NDST3: variants seen among roughly 807,000 people sequenced by gnomAD.
NDST3 encodes the protein N-deacetylase and N-sulfotransferase 3, also known as bifunctional heparan sulfate N-deacetylase/N-sulfotransferase 3.
In NDST3, 58 loss-of-function variants were observed where a neutral mutation model predicts 96.1. The observed-to-expected ratio is 0.60, with a 90% CI of 0.49 to 0.75. The LOEUF is 0.75. Among genes scored for constraint, NDST3 ranks in the 30% least tolerant of loss-of-function variants. NDST3 has a pLI of 0.00. For synonymous variants in NDST3, 333 were observed against 359.7 expected, an observed-to-expected ratio of 0.93 and a Z score of 0.84; for missense variants, 788 against 1,034.2, an observed-to-expected ratio of 0.76 and a Z score of 3.27.
chr4:118,084,145 C>T lies in NDST3; in HGVS notation c.982-20873C>T, dbSNP rs115432280. On this transcript the variant is annotated intron_variant, in intron 2 of 13. Transcript: ENST00000296499. ...ACAAGTCTAAAGATCTGATGTACCA[C>T]ATGAGAACTACAGCTAATAAAATTG... is the stretch of plus-strand genomic sequence containing the variant. Among the ~76,000 whole-genome samples, 232 of 152,140 alleles carry T rather than the reference C, an allele frequency of 1.5e-3. 1 individual carries two copies. Among genetic ancestry groups the T allele is most frequent in the African/African-American group, 5.2e-3 (217 of 41,512 alleles).
At position 118,211,830 on chromosome 4, in the gene NDST3, T is replaced by C. The variant is rs563494012; in HGVS notation, c.1540-12661T>C. ...TAGGCTCTCATAAACTGCCATGTAC[T>C]ATAATACACTGCAAGTAAAGTGAAC... On this transcript the variant is annotated intron_variant, in intron 6 of 13. Transcript: ENST00000296499. 2.0e-5 allele frequency among the ~76,000 whole-genome samples: 3 copies of C among 152,328 alleles called. No individual in the cohort carries two copies. The South Asian group carries it at 6.2e-4, about 32-fold the overall frequency.
At chr4:118,163,264 G>T (rs1735303876) in intron 6 of NDST3, among the ~76,000 whole-genome samples, 2 of 152,116 alleles carry the variant, frequency 1.3e-5, no homozygotes, top group Admixed American at 6.5e-5. Flanking sequence ...TATACCCAAA[G>T]GACTATAAAT....
In NDST3 at chr4:118,069,367, AT is replaced by A. The variant is rs983909512; in HGVS notation, c.981+14483del. Among the ~76,000 whole-genome samples, 18 of 152,062 alleles carry A rather than the reference AT, an allele frequency of 1.2e-4. 1 individual carries two copies. Reference sequence around the variant, plus strand: ...GTGGGATAGAGTACCCCATTAGGTGATTTTTTTAAATGTTAGCAAGAGAAGT... The same window carrying A: ...GTGGGATAGAGTACCCCATTAGGTGATTTTTTAAATGTTAGCAAGAGAAGT... On this transcript the variant is annotated intron_variant, in intron 2 of 13. Transcript: ENST00000296499.
chr4:118,080,165 C>T (rs965015875), intron 2 of NDST3, among the ~76,000 whole-genome samples: 1 of 151,712 alleles, frequency 6.6e-6, no homozygotes, highest in Admixed American at 6.6e-5. Context: ...GTGTAAAGTA[C>T]TTAAAACAGT....
chr4:118,142,961 C>G (rs942455763), intron 5 of NDST3, among the ~76,000 whole-genome samples: 1 of 152,134 alleles, frequency 6.6e-6, no homozygotes, highest in Non-Finnish European at 1.5e-5. Flanking sequence ...CTCTTTCTTA[C>G]AGTAGGAACT....
chr4:118,151,763 G>A (rs2125916309), intron 6 of NDST3, among the ~76,000 whole-genome samples: 1 of 152,256 alleles, frequency 6.6e-6, no homozygotes, highest in African/African-American at 2.4e-5. Flanking sequence ...TTTCCTAAGT[G>A]ACCAGAGAAC....
chr4:118,115,610 T>C (rs1731021883), intron 4 of NDST3, among the ~76,000 whole-genome samples: 2 of 152,124 alleles, frequency 1.3e-5, no homozygotes, highest in South Asian at 4.1e-4. Context: ...AGGTACACCA[T>C]GTAATACTGA....
chr4:118,231,133 C>T (rs543059560), intron 8 of NDST3, among the ~76,000 whole-genome samples: 104 of 151,832 alleles, frequency 6.8e-4, no homozygotes, highest in Admixed American at 2.5e-3. Flanking sequence ...GTCAGGAGTT[C>T]GAGACCAGCC....
chr4:118,055,091 C>T (rs997916572), intron 2 of NDST3, 200 bp downstream of exon 2: 4 of 679,688 alleles, frequency 5.9e-6, no homozygotes, highest in Non-Finnish European at 9.8e-6. Context: ...AAAGATTTTA[C>T]TAAAAGATTG....
chr4:118,148,292 TG>T (rs1734104899), intron 6 of NDST3, among the ~76,000 whole-genome samples: 1 of 152,134 alleles, frequency 6.6e-6, no homozygotes, highest in Admixed American at 6.5e-5. Context: ...AGCGAGACTC[TG>T]TCTCAAAAAA....
intron 6 of NDST3, among the ~76,000 whole-genome samples, chr4:118,151,192 A>G (rs1415240560): frequency 6.6e-6 from 1 of 152,144 alleles, no homozygotes; most frequent in Non-Finnish European, 1.5e-5. Context: ...AACAATGAGA[A>G]CACATGGACA....
chr4:118,161,519 C>T (rs908100129), intron 6 of NDST3, among the ~76,000 whole-genome samples: 5 of 152,184 alleles, frequency 3.3e-5, no homozygotes, highest in South Asian at 2.1e-4. Context: ...CTGTGGTGGG[C>T]TCCACCCAGT....
chr4:118,247,358 C>T (rs1741383546), intron 12 of NDST3, among the ~76,000 whole-genome samples: 2 of 152,228 alleles, frequency 1.3e-5, no homozygotes, highest in South Asian at 2.1e-4. Context: ...TCGAGACCAG[C>T]TTGGCCAACG....
In NDST3 at chr4:118,224,487, T is replaced by C; in HGVS notation, c.1540-4T>C. On this transcript the variant is annotated splice_polypyrimidine_tract_variant and splice_region_variant and intron_variant, in intron 6 of 13. Transcript: ENST00000296499. ...TTACACTGAAGTTCATTTGCTTTTT[T>C]CAGATCAGCATTTTCATGACCCATT... 6.3e-7 allele frequency: 1 copy of C among 1,597,832 alleles called. No individual in the cohort carries two copies. The highest frequency in any genetic ancestry group is 8.5e-7 in the Non-Finnish European group (1 of 1,171,230).
At chr4:118,251,772 A>G (rs187220399) in intron 12 of NDST3, among the ~76,000 whole-genome samples, 33 of 152,314 alleles carry the variant, frequency 2.2e-4, no homozygotes, top group African/African-American at 7.7e-4. Flanking sequence ...TAGCTTGTCT[A>G]CTTCCTTTAC....
intron 2 of NDST3, among the ~76,000 whole-genome samples, chr4:118,077,984 C>CT (rs2125812711): frequency 6.6e-6 from 1 of 152,280 alleles, no homozygotes; most frequent in Non-Finnish European, 1.5e-5. Flanking sequence ...CCCTTGGACT[C>CT]AAGAGTTGCC....
At chr4:118,106,887 G>A (rs1178037369) in intron 3 of NDST3, among the ~76,000 whole-genome samples, 5 of 152,072 alleles carry the variant, frequency 3.3e-5, no homozygotes, top group African/African-American at 7.2e-5. Flanking sequence ...TCAGGAGATC[G>A]AGATCATCCT....
At chr4:118,144,803 C>A (rs1391109209) in intron 6 of NDST3, among the ~76,000 whole-genome samples, 1 of 151,652 alleles carries the variant, frequency 6.6e-6, no homozygotes, top group Non-Finnish European at 1.5e-5. Flanking sequence ...ATAAAATTTG[C>A]AAAACCCCTC....
At chr4:118,236,581 A>G (rs1740662104) in intron 9 of NDST3, among the ~76,000 whole-genome samples, 1 of 152,242 alleles carries the variant, frequency 6.6e-6, no homozygotes, top group Non-Finnish European at 1.5e-5. Context: ...CACCGGCACA[A>G]TACATTTGTA....
Sources: gnomAD v4.1 joint callset for allele counts (sites outside exome capture counted in the v4.1 genomes callset) on GRCh38, gnomAD v4.1.1 for gene constraint, MANE v1.5 for transcripts, NCBI Gene and HGNC (gene_info 2026-07-23, HGNC 2026-07-21) for gene names.